Variants in MYO5C observed in about 807,000 individuals in gnomAD.
MYO5C encodes unconventional myosin-Vc.
A neutral mutation model predicts 235.7 loss-of-function variants in MYO5C; 194 were observed. The ratio of observed to expected loss-of-function variants is 0.82; its 90% confidence interval spans 0.73 to 0.93. The LOEUF (loss-of-function observed/expected upper bound fraction) is 0.93, where lower values mean the gene tolerates loss of function less well. Among genes scored for constraint, MYO5C ranks in the 40% least tolerant of loss-of-function variants. The pLI is 0.00. For synonymous variants in MYO5C, 707 were observed against 754.8 expected, an observed-to-expected ratio of 0.94 and a Z score of 1.04; for missense variants, 2,038 against 2,127.2, an observed-to-expected ratio of 0.96 and a Z score of 0.82.
In MYO5C at chr15:52,278,949, A is replaced by C. The variant is rs1443908138; in HGVS notation, c.373T>G (p.Tyr125Asp). The C allele has an allele frequency of 6.2e-7, 1 of 1,613,976 alleles. No individual in the cohort carries two copies. The highest frequency in any genetic ancestry group is 8.5e-7 in the Non-Finnish European group (1 of 1,180,016). Residue 125 changes from tyrosine to aspartate, a missense_variant, in exon 4 of 41, where the codon TAC (tyrosine) becomes GAC (aspartate). Coordinates refer to ENST00000261839, the MANE Select transcript of MYO5C (RefSeq NM_018728.4). Reference sequence around the variant, plus strand: ...ATATCGCCCATGTTCTGCCCGCTGTAGGCGTGGATGATGGCATCTCCGTAT... The same window carrying C: ...ATATCGCCCATGTTCTGCCCGCTGTCGGCGTGGATGATGGCATCTCCGTAT... The part of the protein sequence containing the change: ...PIYGDAIIHA[Y>D]SGQNMGDMDP...
chr15:52,261,180 C>A, intron 9 of MYO5C, 53 bp from the exon 10 acceptor site: 12 of 1,591,864 alleles, frequency 7.5e-6, no homozygotes, highest in Non-Finnish European at 1.0e-5. Flanking sequence ...CAAAGACACA[C>A]AATCCCACCC....
chr15:52,247,534 G>C lies in MYO5C; in HGVS notation c.1805C>G (p.Ser602Ter), dbSNP rs1415161689. The C allele has an allele frequency of 1.4e-5, 23 of 1,614,010 alleles. No homozygotes were observed. The highest frequency in any genetic ancestry group is 1.9e-5 in the Non-Finnish European group (23 of 1,180,022). ...ENPTPPSPFG[S>*]MITVKSAKQV... The stretch of plus-strand genomic sequence containing the variant: ...CTTTGCAGATTTAACTGTAATCATT[G>C]AACCAAAAGGAGAAGGAGGAGTTGG... The change falls in exon 15 of 41, where the codon TCA (serine) becomes TGA (stop). Residue 602 changes from serine to a stop codon, truncating the protein, a stop_gained. Transcript: ENST00000261839. LOFTEE classifies it high-confidence loss of function.
intron 10 of MYO5C, among the ~76,000 whole-genome samples, chr15:52,257,565 G>A (rs4268699): frequency 0.015 from 2,320 of 152,286 alleles, 50 homozygotes; most frequent in East Asian, 0.11. Context: ...TTTACCACCT[G>A]GCCAGATGAG....
chr15:52,237,367 T>C (rs1288778560), intron 22 of MYO5C, 115 bp downstream of exon 22: 1 of 1,305,982 alleles, frequency 7.7e-7, no homozygotes, highest in Non-Finnish European at 1.0e-6. Context: ...TGGAAGTTGA[T>C]AGCAAAATCT....
At chr15:52,225,676 C>A (rs1379810710) in intron 25 of MYO5C, 144 bp from the exon 26 acceptor site, 1 of 635,954 alleles carries the variant, frequency 1.6e-6, no homozygotes, top group Non-Finnish European at 2.8e-6. Context: ...TCTTGTTAAA[C>A]CATCACTGCC....
chr15:52,235,710 T>G lies in MYO5C; in HGVS notation c.2922A>C (p.Gln974His). ...HNSELETQKE[Q>H]IQLKLQEKTE... ...TCTTCTCTTGAAGCTTCAGCTGTATTTGTTCTTTCTGTGTTTCCAGTTCTG... is the reference window on the plus strand; with the variant it reads ...TCTTCTCTTGAAGCTTCAGCTGTATGTGTTCTTTCTGTGTTTCCAGTTCTG... The change falls in exon 23 of 41, where the codon CAA (glutamine) becomes CAC (histidine). Residue 974 changes from glutamine to histidine, a missense_variant. Gln to His is a conservative substitution (Grantham distance 24, BLOSUM62 0). Coordinates refer to ENST00000261839, the MANE Select transcript of MYO5C (RefSeq NM_018728.4). The G allele has an allele frequency of 6.2e-7, 1 of 1,612,914 alleles. No individual in the cohort carries two copies.
At chr15:52,260,177 A>C (rs915798951) in intron 10 of MYO5C, among the ~76,000 whole-genome samples, 1 of 152,230 alleles carries the variant, frequency 6.6e-6, no homozygotes. Flanking sequence ...GGGGTTTAGA[A>C]AAGGAGGACC....
chr15:52,261,217 G>A (rs1339248741), intron 9 of MYO5C, 90 bp from the exon 10 acceptor site: 1 of 1,478,212 alleles, frequency 6.8e-7, no homozygotes, highest in Non-Finnish European at 9.1e-7. Flanking sequence ...CCCACACTCA[G>A]GCCTGTGCAA....
In MYO5C at chr15:52,295,793, C is replaced by A; in HGVS notation, c.-157G>T. The A allele has an allele frequency of 2.1e-6, 1 of 478,746 alleles. No homozygotes were observed. The highest frequency in any genetic ancestry group is 3.5e-6 in the Non-Finnish European group (1 of 285,262). The allele number at this position is 478,746 out of a possible 1,614,324, so 29.7% of individuals were successfully genotyped here. A position where few individuals can be genotyped will look rare whatever the true frequency, so the allele number is the denominator to read the frequency against. ...TCCAACGGCCTCCTGTTCCCGTTCC[C>A]GAGTTGGCGGCGAGGGGAGGGGGCA... is the stretch of plus-strand genomic sequence containing the variant. On this transcript the variant is annotated 5_prime_UTR_variant, in exon 1 of 41. Transcript: ENST00000261839.
At chr15:52,232,100 A>AAAAAAAAAG (rs1325008221) in intron 24 of MYO5C, among the ~76,000 whole-genome samples, 1 of 150,390 alleles carries the variant, frequency 6.6e-6, no homozygotes. Context: ...CAATAAAGTA[A>AAAAAAAAAG]AAAAAAAAGA....
chr15:52,267,989 G>GT (rs781688062), intron 8 of MYO5C, among the ~76,000 whole-genome samples: 50 of 152,326 alleles, frequency 3.3e-4, no homozygotes, highest in Middle Eastern at 6.8e-3. Flanking sequence ...TTCAGCAAAT[G>GT]TAAGTCAGTG....
chr15:52,197,214 G>A (rs1214490761), intron 38 of MYO5C, among the ~76,000 whole-genome samples: 2 of 152,186 alleles, frequency 1.3e-5, no homozygotes, highest in Non-Finnish European at 2.9e-5. Context: ...ATTCATAATA[G>A]CCCAAAAGTG....
intron 36 of MYO5C, among the ~76,000 whole-genome samples, chr15:52,206,547 C>T (rs990203991): frequency 6.6e-6 from 1 of 152,014 alleles, no homozygotes. Flanking sequence ...AGAAGAGACA[C>T]CAGAGAGAGC....
At chr15:52,211,694 G>T (rs779357384) in intron 35 of MYO5C, 36 bp downstream of exon 35, 4 of 1,602,082 alleles carry the variant, frequency 2.5e-6, no homozygotes, top group South Asian at 2.2e-5. Context: ...TCCCATAGAT[G>T]TGATACCAGG....
At position 52,205,877 on chromosome 15, in the gene MYO5C, C is replaced by G; in HGVS notation, c.4476G>C (p.Val1492=). The change falls in exon 37 of 41, where the codon GTG becomes GTC. Residue 1492 remains valine (V), a synonymous_variant. Transcript: ENST00000261839. ...TAAATTGATGATATATTCGTATAGC[C>G]ACATCACTGAGAATCTGTCTGTATT... ...LSEYRQILSD[V]AIRIYHQFII... The G allele has an allele frequency of 6.3e-7, 1 of 1,593,246 alleles. No individual in the cohort carries two copies. Among genetic ancestry groups the G allele is most frequent in the Non-Finnish European group, 8.6e-7 (1 of 1,165,506 alleles).
intron 36 of MYO5C, among the ~76,000 whole-genome samples, chr15:52,206,306 G>C (rs569282774): frequency 6.6e-6 from 1 of 152,160 alleles, no homozygotes; most frequent in Admixed American, 6.5e-5. Context: ...CTATGAAGAG[G>C]TAAGTGGATA....
intron 21 of MYO5C, among the ~76,000 whole-genome samples, chr15:52,239,413 T>A (rs137997288): frequency 6.6e-6 from 1 of 152,176 alleles, no homozygotes; most frequent in Non-Finnish European, 1.5e-5. Context: ...GACAGCATCT[T>A]TGAGCAAATT....
intron 36 of MYO5C, among the ~76,000 whole-genome samples, chr15:52,207,146 G>GAA (rs796676990): frequency 8.3e-6 from 1 of 120,646 alleles, no homozygotes. Flanking sequence ...AAAAGAAAAA[G>GAA]AAAAAAAAAA....
At chr15:52,196,639 T>C (rs918167360) in intron 38 of MYO5C, among the ~76,000 whole-genome samples, 156 bp from the exon 39 acceptor site, 2 of 151,968 alleles carry the variant, frequency 1.3e-5, no homozygotes, top group African/African-American at 2.4e-5. Context: ...GATGATCAGC[T>C]CTCCTAATCC....
Sources: allele counts gnomAD v4.1 joint callset (sites outside exome capture counted in the v4.1 genomes callset), GRCh38; gene constraint gnomAD v4.1.1; transcripts MANE v1.5; gene names NCBI Gene and HGNC (gene_info 2026-07-23, HGNC 2026-07-21).